The following MACROD2 variants were observed in gnomAD, a reference collection of about 807,000 sequenced individuals.
MACROD2 encodes the protein mono-ADP ribosylhydrolase 2.
A neutral mutation model predicts 70.4 loss-of-function variants in MACROD2; 36 were observed. The observed-to-expected ratio is 0.51, with a 90% CI of 0.39 to 0.68. The LOEUF (loss-of-function observed/expected upper bound fraction) is 0.68. Ranked by LOEUF, MACROD2 falls within the 30% of genes least tolerant of loss-of-function variation. The probability of loss-of-function intolerance (pLI) is 0.00; values close to 1 mark genes in which losing one functional copy is unlikely to be tolerated. For missense variants in MACROD2, 496 were observed against 538.4 expected (o/e 0.92, Z 0.78); for synonymous variants, 172 against 178.8 (o/e 0.96, Z 0.30).
chr20:15,163,983 G>A (rs753160132), intron 5 of MACROD2, among the ~76,000 whole-genome samples: 25 of 151,942 alleles, frequency 1.6e-4, no homozygotes, highest in Non-Finnish European at 2.9e-4. Flanking sequence ...ATTCTACTGG[G>A]GGAGGCAGAC....
intron 4 of MACROD2, among the ~76,000 whole-genome samples, chr20:14,682,441 TTACA>T (rs2070944180): frequency 6.6e-6 from 1 of 151,266 alleles, no homozygotes; most frequent in Non-Finnish European, 1.5e-5. Flanking sequence ...TATATACACA[TTACA>T]TATATATATT....
At chr20:14,010,221 T>A (rs1269872154) in intron 2 of MACROD2, among the ~76,000 whole-genome samples, 1 of 152,212 alleles carries the variant, frequency 6.6e-6, no homozygotes, top group Non-Finnish European at 1.5e-5. Context: ...CATACTATAA[T>A]AAAGGAAGCT....
At chr20:15,531,299 T>G (rs1230549844) in intron 8 of MACROD2, among the ~76,000 whole-genome samples, 1 of 150,122 alleles carries the variant, frequency 6.7e-6, no homozygotes. Flanking sequence ...TTTTACAAAA[T>G]ATGATTTAAT....
intron 3 of MACROD2, among the ~76,000 whole-genome samples, chr20:14,169,218 A>G (rs1162501286): frequency 2.0e-5 from 3 of 152,296 alleles, no homozygotes; most frequent in East Asian, 3.9e-4. Flanking sequence ...TAACTGGAAC[A>G]TGACAGGGGA....
intron 5 of MACROD2, among the ~76,000 whole-genome samples, chr20:14,852,009 G>A (rs939121221): frequency 1.3e-5 from 2 of 152,160 alleles, no homozygotes; most frequent in Admixed American, 1.3e-4. Flanking sequence ...GGACATGTCA[G>A]AGAGTCATGC....
intron 6 of MACROD2, among the ~76,000 whole-genome samples, chr20:15,424,134 G>A (rs1276130734): frequency 6.6e-6 from 1 of 152,204 alleles, no homozygotes; most frequent in Non-Finnish European, 1.5e-5. Flanking sequence ...CACCATCACA[G>A]TGGGACCAGA....
intron 15 of MACROD2, among the ~76,000 whole-genome samples, chr20:16,015,015 C>CT (rs886512995): frequency 1.3e-5 from 2 of 151,912 alleles, no homozygotes; most frequent in Non-Finnish European, 1.5e-5. Context: ...TCAGTTTCCT[C>CT]TTTTTTTTAA....
intron 2 of MACROD2, among the ~76,000 whole-genome samples, chr20:14,045,265 G>A (rs368675369): frequency 1.8e-4 from 27 of 152,366 alleles, no homozygotes; most frequent in African/African-American, 4.1e-4. Context: ...CCCCTCAAGC[G>A]CAGCCAGAGT....
At chr20:14,625,148 G>T (rs1214016438) in intron 4 of MACROD2, among the ~76,000 whole-genome samples, 1 of 151,892 alleles carries the variant, frequency 6.6e-6, no homozygotes, top group Non-Finnish European at 1.5e-5. Flanking sequence ...TGACCAACAT[G>T]AAACCCCGTC....
At chr20:14,217,026 A>G (rs1411303869) in intron 3 of MACROD2, among the ~76,000 whole-genome samples, 1 of 152,170 alleles carries the variant, frequency 6.6e-6, no homozygotes, top group Non-Finnish European at 1.5e-5. Context: ...TGCTCTGGCT[A>G]GGACTTCCAG....
intron 5 of MACROD2, among the ~76,000 whole-genome samples, chr20:15,107,982 TC>T (rs1304359157): frequency 3.5e-5 from 4 of 115,514 alleles, no homozygotes; most frequent in Non-Finnish European, 8.2e-5. Context: ...GAGAGCAAGC[TC>T]TTTTTTTTTT....
chr20:14,544,149 A>C (rs370930155), intron 4 of MACROD2, among the ~76,000 whole-genome samples: 1 of 151,562 alleles, frequency 6.6e-6, no homozygotes, highest in African/African-American at 2.4e-5. Context: ...CTTTCTGATG[A>C]CTCTTTTCGA....
At chr20:14,570,548 G>A (rs1980119329) in intron 4 of MACROD2, among the ~76,000 whole-genome samples, 1 of 151,872 alleles carries the variant, frequency 6.6e-6, no homozygotes, top group African/African-American at 2.4e-5. Context: ...CAGTGTAAAA[G>A]TGTCATTTTT....
intron 15 of MACROD2, among the ~76,000 whole-genome samples, chr20:16,009,789 A>C (rs542689336): frequency 1.3e-5 from 2 of 152,234 alleles, no homozygotes; most frequent in South Asian, 2.1e-4. Flanking sequence ...CATAATATGG[A>C]GCAGGAGACA....
At chr20:14,935,182 C>A (rs568865897) in intron 5 of MACROD2, 1 of 152,060 alleles carries the variant, frequency 6.6e-6, no homozygotes, top group East Asian at 1.9e-4. Context: ...ACAAGTGTTT[C>A]TATTCTTCCA....
At chr20:14,363,816 C>CAAAAAAAAAAA (rs569929488) in intron 3 of MACROD2, among the ~76,000 whole-genome samples, 9 of 71,560 alleles carry the variant, frequency 1.3e-4, no homozygotes, top group East Asian at 4.7e-4. Context: ...GACTCTGTCT[C>CAAAAAAAAAAA]AAAAAAAAAA....
chr20:14,016,295 G>T (rs1235102051), intron 2 of MACROD2, among the ~76,000 whole-genome samples: 1 of 152,134 alleles, frequency 6.6e-6, no homozygotes, highest in African/African-American at 2.4e-5. Flanking sequence ...GAATTCCTTT[G>T]TATGTTCTGG....
intron 8 of MACROD2, among the ~76,000 whole-genome samples, chr20:15,667,531 G>A (rs780566091): frequency 7.3e-5 from 9 of 123,508 alleles, no homozygotes; most frequent in African/African-American, 2.8e-5. Flanking sequence ...ATCTATGAAA[G>A]CAAATTGGAG....
intron 5 of MACROD2, among the ~76,000 whole-genome samples, chr20:15,171,463 C>T (rs1385068139): frequency 1.3e-5 from 2 of 151,590 alleles, no homozygotes; most frequent in African/African-American, 4.9e-5. Flanking sequence ...CATCACTCTC[C>T]TTATCACCCC....
Sources: allele counts gnomAD v4.1 joint callset (sites outside exome capture counted in the v4.1 genomes callset), GRCh38; gene constraint gnomAD v4.1.1; transcripts MANE v1.5; gene names NCBI Gene and HGNC (gene_info 2026-07-23, HGNC 2026-07-21).